Variants in STK3 observed in about 807,000 individuals in gnomAD.
STK3 encodes the protein serine/threonine-protein kinase 3.
A neutral mutation model predicts 58.0 loss-of-function variants in STK3; 41 were observed. That is an observed-to-expected ratio of 0.71 (90% CI 0.55 to 0.92). The LOEUF (loss-of-function observed/expected upper bound fraction) is 0.92. STK3 is among the 40% of genes least tolerant of loss of function. The pLI, the probability that STK3 is intolerant of heterozygous loss-of-function variation, is 0.00. For synonymous variants in STK3, 170 were observed against 191.0 expected (o/e 0.89, Z 0.91); for missense variants, 479 against 602.7 (o/e 0.79, Z 2.15).
rs1028082323 is a variant in STK3, at chr8:98,700,007, G to T, written c.684+6460C>A. ...GGCAGGCAGGCCTCCTTGAGCTGTG[G>T]TGGGCTCTACCCAGTTGGAGCTTCC... On this transcript the variant is annotated intron_variant, in intron 6 of 10. Coordinates refer to ENST00000419617, the MANE Select transcript of STK3 (RefSeq NM_006281.4). Among the ~76,000 whole-genome samples the T allele has an allele frequency of 2.0e-4, 30 of 152,362 alleles. 1 individual carries two copies. Among genetic ancestry groups the T allele is most frequent in the African/African-American group, 7.0e-4 (29 of 41,598 alleles).
intron 6 of STK3, among the ~76,000 whole-genome samples, chr8:98,696,432 G>A (rs1281375140): frequency 2.9e-4 from 44 of 151,406 alleles, no homozygotes; most frequent in Non-Finnish European, 5.5e-4. Flanking sequence ...CCTGTCTTGT[G>A]CCAGTTTTCA....
At chr8:98,466,355 T>G (rs1820461245) in intron 10 of STK3, among the ~76,000 whole-genome samples, 1 of 152,204 alleles carries the variant, frequency 6.6e-6, no homozygotes, top group Non-Finnish European at 1.5e-5. Context: ...TTACACTCTT[T>G]CGGCTATGCA....
intron 10 of STK3, among the ~76,000 whole-genome samples, chr8:98,457,208 A>T (rs1819561833): frequency 6.6e-6 from 1 of 152,236 alleles, no homozygotes; most frequent in African/African-American, 2.4e-5. Flanking sequence ...TTTATATATC[A>T]TATGTAGTAT....
exon 2 of STK3, chr8:98,883,770 G>A (rs1423022437): frequency 8.5e-6 from 6 of 702,692 alleles, no homozygotes; most frequent in South Asian, 3.0e-5. Flanking sequence ...CTCCACTGAA[G>A]AGTCTAGCTC....
chr8:98,841,211 A>G (rs186417016), intron 3 of STK3, among the ~76,000 whole-genome samples: 1 of 152,322 alleles, frequency 6.6e-6, no homozygotes, highest in East Asian at 1.9e-4. Context: ...ACAAATCACT[A>G]TGTCCAGCCC....
At chr8:98,681,964 CA>C (rs1482602606) in intron 6 of STK3, among the ~76,000 whole-genome samples, 1 of 152,224 alleles carries the variant, frequency 6.6e-6, no homozygotes, top group African/African-American at 2.4e-5. Context: ...GGGCCTACAG[CA>C]AAATAGTGCA....
At chr8:98,699,947 G>T (rs1321287936) in intron 6 of STK3, among the ~76,000 whole-genome samples, 1 of 152,192 alleles carries the variant, frequency 6.6e-6, no homozygotes, top group African/African-American at 2.4e-5. Context: ...CTTTTTGTTT[G>T]TCTGTGCCCT....
At chr8:98,715,353 G>C (rs540872770) in intron 4 of STK3, among the ~76,000 whole-genome samples, 301 of 151,766 alleles carry the variant, frequency 2.0e-3, no homozygotes, top group African/African-American at 6.5e-3. Flanking sequence ...GCAACCTACA[G>C]AATGGGAGAA....
chr8:98,492,814 C>T (rs1278409173), intron 10 of STK3, among the ~76,000 whole-genome samples: 1 of 152,110 alleles, frequency 6.6e-6, no homozygotes, highest in African/African-American at 2.4e-5. Flanking sequence ...TCTTCCTGTC[C>T]AGATGTGGTT....
At chr8:98,487,923 A>G (rs1261633200) in intron 10 of STK3, among the ~76,000 whole-genome samples, 1 of 152,210 alleles carries the variant, frequency 6.6e-6, no homozygotes, top group Admixed American at 6.5e-5. Flanking sequence ...TATTTAGACA[A>G]TGGGAATGTT....
At chr8:98,893,538 A>AAGAAAGAAAGAG (rs1305264288) in intron 1 of STK3, among the ~76,000 whole-genome samples, 2 of 139,780 alleles carry the variant, frequency 1.4e-5, no homozygotes, top group African/African-American at 5.4e-5. Context: ...GAAAGAAAGA[A>AAGAAAGAAAGAG]AAAGAAAGAG....
At chr8:98,863,684 C>T (rs150539256) in intron 3 of STK3, among the ~76,000 whole-genome samples, 1 of 152,330 alleles carries the variant, frequency 6.6e-6, no homozygotes. Context: ...TCACTATCCA[C>T]AGGCAATGGC....
At chr8:98,722,942 T>C (rs747066969) in intron 4 of STK3, 2 of 489,890 alleles carry the variant, frequency 4.1e-6, no homozygotes, top group South Asian at 3.0e-5. Flanking sequence ...CAGCTAGCAC[T>C]TCCTTCAGTG....
At chr8:98,886,892 G>A (rs1397384278) in intron 1 of STK3, among the ~76,000 whole-genome samples, 1 of 152,146 alleles carries the variant, frequency 6.6e-6, no homozygotes, top group Non-Finnish European at 1.5e-5. Context: ...GAGGTCAGCA[G>A]TTTGAGACCA....
chr8:98,731,877 G>A (rs930402419), intron 4 of STK3, among the ~76,000 whole-genome samples: 1 of 152,008 alleles, frequency 6.6e-6, no homozygotes, highest in African/African-American at 2.4e-5. Flanking sequence ...CCAGTCCCAA[G>A]GGCAAGACCA....
intron 10 of STK3, among the ~76,000 whole-genome samples, chr8:98,456,895 T>C (rs999450131): frequency 2.2e-4 from 33 of 152,386 alleles, no homozygotes; most frequent in Admixed American, 2.1e-3. Context: ...CCTGGCCCTA[T>C]CGTGACTTCT....
downstream of STK3, among the ~76,000 whole-genome samples, chr8:98,450,766 GCCA>G (rs1208536601): frequency 2.0e-5 from 3 of 152,176 alleles, no homozygotes; most frequent in Non-Finnish European, 4.4e-5. Context: ...TAGGAAGGAT[GCCA>G]TTTCAGAAAA....
At chr8:98,522,898 A>G (rs1825469186) in intron 10 of STK3, among the ~76,000 whole-genome samples, 1 of 152,186 alleles carries the variant, frequency 6.6e-6, no homozygotes, top group Non-Finnish European at 1.5e-5. Flanking sequence ...AGGCTGAACA[A>G]TATTCCATTT....
intron 1 of STK3, among the ~76,000 whole-genome samples, chr8:98,797,094 C>T (rs571504295): frequency 2.6e-5 from 4 of 152,212 alleles, no homozygotes; most frequent in Non-Finnish European, 4.4e-5. Context: ...TCCTAGATGA[C>T]ACCATCTTCC....
Sources: gnomAD v4.1 joint callset for allele counts (sites outside exome capture counted in the v4.1 genomes callset) on GRCh38, gnomAD v4.1.1 for gene constraint, MANE v1.5 for transcripts, NCBI Gene and HGNC (gene_info 2026-07-23, HGNC 2026-07-21) for gene names.